INTS6: variants seen among roughly 807,000 people sequenced by gnomAD.
INTS6 encodes the protein integrator complex subunit 6.
A neutral mutation model predicts 104.9 loss-of-function variants in INTS6; 16 were observed. The ratio of observed to expected loss-of-function variants is 0.15; its 90% CI spans 0.10 to 0.23. The LOEUF (loss-of-function observed/expected upper bound fraction) is 0.23. INTS6 is among the 10% of genes least tolerant of loss of function. The pLI is 1.00. For synonymous variants in INTS6, 324 were observed against 358.7 expected (o/e 0.90, Z 1.09); for missense variants, 584 against 1,062.8 (o/e 0.55, Z 6.26).
At chr13:51,367,001 C>T (rs939142334) in intron 17 of INTS6, among the ~76,000 whole-genome samples, 1 of 151,868 alleles carries the variant, frequency 6.6e-6, no homozygotes, top group African/African-American at 2.4e-5. Context: ...AACCTTTATC[C>T]ACCTTCTTTA....
intron 16 of INTS6, 98 bp downstream of exon 16, chr13:51,368,841 T>G (rs1402620944): frequency 8.3e-7 from 1 of 1,204,098 alleles, no homozygotes; most frequent in East Asian, 2.4e-5. Context: ...TAGAATCATA[T>G]GTATTCTTTT....
chr13:51,384,568 C>T (rs915762535), intron 7 of INTS6: 20 of 454,172 alleles, frequency 4.4e-5, no homozygotes, highest in African/African-American at 3.8e-4. Context: ...CTAGACATAA[C>T]CTGAATCTTC....
chr13:51,367,704 T>A, intron 17 of INTS6, 101 bp downstream of exon 17: 2 of 639,014 alleles, frequency 3.1e-6, no homozygotes, highest in Admixed American at 3.6e-5. Flanking sequence ...CATATACATT[T>A]ATAAACAATA....
intron 4 of INTS6, among the ~76,000 whole-genome samples, chr13:51,401,324 C>T (rs538757744): frequency 1.5e-4 from 23 of 152,202 alleles, no homozygotes; most frequent in African/African-American, 5.5e-4. Flanking sequence ...TAATAAAATA[C>T]ACCCAGTACT....
chr13:51,361,509 A>G (rs1955574419), downstream of INTS6: 1 of 637,534 alleles, frequency 1.6e-6, no homozygotes, highest in Non-Finnish European at 2.7e-6. Flanking sequence ...AACACTAAAG[A>G]AAACAAAAAG....
chr13:51,384,927 GA>G, intron 7 of INTS6: 1 of 314,990 alleles, frequency 3.2e-6, no homozygotes, highest in Non-Finnish European at 6.3e-6. Flanking sequence ...GTCCCTGTCT[GA>G]TCAATCCATG....
At chr13:51,442,144 T>C (rs545993252) in intron 3 of INTS6, 13 of 149,006 alleles carry the variant, frequency 8.7e-5, no homozygotes, top group African/African-American at 3.2e-4. Context: ...GACCATGATT[T>C]TTTTTTTTTT....
chr13:51,353,587 A>G (rs1395139956), downstream of INTS6, among the ~76,000 whole-genome samples: 1 of 152,198 alleles, frequency 6.6e-6, no homozygotes, highest in African/African-American at 2.4e-5. Context: ...AGAGTTTTCA[A>G]AAAGGATGTG....
chr13:51,395,813 AT>A (rs894059330), intron 4 of INTS6, among the ~76,000 whole-genome samples: 3 of 151,906 alleles, frequency 2.0e-5, no homozygotes, highest in Admixed American at 1.3e-4. Flanking sequence ...TAGATATGTT[AT>A]TTTTCTTTTC....
intron 5 of INTS6, among the ~76,000 whole-genome samples, chr13:51,395,088 C>T (rs1208603452): frequency 6.6e-6 from 1 of 152,106 alleles, no homozygotes; most frequent in African/African-American, 2.4e-5. Flanking sequence ...AAAATATTAC[C>T]ATTCCTTGTC....
intron 4 of INTS6, among the ~76,000 whole-genome samples, chr13:51,399,597 G>C (rs1454634738): frequency 6.6e-6 from 1 of 152,150 alleles, no homozygotes; most frequent in African/African-American, 2.4e-5. Context: ...GTTTTCCAAA[G>C]TGGTTATACC....
At chr13:51,423,136 C>T (rs1002729088) in intron 4 of INTS6, 3 of 984,802 alleles carry the variant, frequency 3.0e-6, no homozygotes, top group African/African-American at 1.7e-5. Flanking sequence ...GGAGCTGCCG[C>T]TATTCTTATA....
chr13:51,435,290 G>C (rs1229196237), intron 3 of INTS6, among the ~76,000 whole-genome samples: 1 of 151,942 alleles, frequency 6.6e-6, no homozygotes, highest in African/African-American at 2.4e-5. Flanking sequence ...AAAATATAAT[G>C]CAAAATATAA....
chr13:51,418,807 C>A lies in INTS6; in HGVS notation c.429+11487G>T, dbSNP rs116693620. Among the ~76,000 whole-genome samples, 589 of 151,914 alleles carry A rather than the reference C, an allele frequency of 3.9e-3. 3 individuals carry two copies. The highest frequency in any genetic ancestry group is 0.013 in the African/African-American group (541 of 41,518). On this transcript the variant is annotated intron_variant, in intron 4 of 17. Transcript: ENST00000311234. ...CCCCAACAAATTGCAAAGGTAAAGTCTTTCTAATTTTTTAACAACTTTATT... is the reference window on the plus strand; with the variant it reads ...CCCCAACAAATTGCAAAGGTAAAGTATTTCTAATTTTTTAACAACTTTATT...
chr13:51,422,211 T>C (rs1956907551), intron 4 of INTS6, among the ~76,000 whole-genome samples: 1 of 152,126 alleles, frequency 6.6e-6, no homozygotes. Flanking sequence ...TTCTCCTCCT[T>C]TATTTTTTAT....
At position 51,451,118 on chromosome 13, in the gene INTS6, A is replaced by C. The variant is rs201420828; in HGVS notation, c.246T>G (p.Ala82=). The C allele has an allele frequency of 6.3e-7, 1 of 1,580,730 alleles. No individual in the cohort carries two copies. The highest frequency in any genetic ancestry group is 8.6e-7 in the Non-Finnish European group (1 of 1,166,190). ...ATTGGCCAAGAGTCGTAAGTCCTTC[A>C]GCCTGAAGGTTTTTCAATTCATTCA... is the stretch of plus-strand genomic sequence containing the variant. The part of the protein sequence containing the change: ...TFMNELKNLQ[A]EGLTTLGQSL... Residue 82 remains alanine (A), a synonymous_variant, in exon 3 of 18, where the codon GCT becomes GCG. Transcript: ENST00000311234.
chr13:51,383,374 A>G lies in INTS6; in HGVS notation c.1135T>C (p.Leu379=), dbSNP rs1320077603. The G allele has an allele frequency of 6.8e-6, 11 of 1,613,674 alleles. No individual in the cohort carries two copies. Among genetic ancestry groups the G allele is most frequent in the Non-Finnish European group, 9.3e-6 (11 of 1,179,828 alleles). Residue 379 remains leucine (L), a synonymous_variant, in exon 9 of 18, where the codon TTA becomes CTA. Coordinates refer to ENST00000311234, the MANE Select transcript of INTS6 (RefSeq NM_012141.3). The stretch of plus-strand genomic sequence containing the variant: ...GGATAATTGTAAGGCATCACAAATA[A>G]GTTGACACAGTTCAGTGCTGTACTG... ...KASTALNCVN[L]FVMPYNYPVL...
rs1953030325 is a variant in INTS6 at position 51,450,965 on chromosome 13, G to C, written c.339+60C>G. ...TTCATGTTATGTAGTTTTTGGACTG[G>C]ACTGTGTTTTTCCACAAAATGAAAA... On this transcript the variant is annotated intron_variant, in intron 3 of 17. Coordinates refer to ENST00000311234, the MANE Select transcript of INTS6 (RefSeq NM_012141.3). 3.5e-6 allele frequency: 5 copies of C among 1,434,350 alleles called. No individual in the cohort carries two copies. In the South Asian group the frequency reaches 8.7e-5, roughly 25 times the overall value. The allele number at this position is 1,434,350 out of a possible 1,614,324, so 88.9% of individuals were successfully genotyped here. A position where few individuals can be genotyped will look rare whatever the true frequency, so the allele number is the denominator to read the frequency against.
At chr13:51,346,088 TAGG>T in the INTS6 span, among the ~76,000 whole-genome samples, 1 of 152,198 alleles carries the variant, frequency 6.6e-6, no homozygotes, top group Admixed American at 6.5e-5. Context: ...ATAGAACTGT[TAGG>T]AGGAGTCGGT....
Sources: gnomAD v4.1 joint callset for allele counts (sites outside exome capture counted in the v4.1 genomes callset) on GRCh38, gnomAD v4.1.1 for gene constraint, MANE v1.5 for transcripts, NCBI Gene and HGNC (gene_info 2026-07-23, HGNC 2026-07-21) for gene names.